OTULIN: variants seen among roughly 807,000 people sequenced by gnomAD.
The protein encoded by OTULIN is ubiquitin thioesterase otulin.
Under a neutral mutation model 39.6 loss-of-function variants are expected in OTULIN, and 15 were observed. The ratio of observed to expected loss-of-function variants is 0.38; its 90% CI spans 0.25 to 0.58. OTULIN has a LOEUF of 0.58. Among genes scored for constraint, OTULIN ranks in the 20% least tolerant of loss-of-function variants. OTULIN has a pLI of 0.66. For synonymous variants in OTULIN, 156 were observed against 170.3 expected, an observed-to-expected ratio of 0.92 and a Z score of 0.65; for missense variants, 319 against 445.9, an observed-to-expected ratio of 0.72 and a Z score of 2.56.
chr5:14,683,630 A>AC (rs751533967), intron 4 of OTULIN, among the ~76,000 whole-genome samples: 17 of 152,292 alleles, frequency 1.1e-4, no homozygotes, highest in South Asian at 6.2e-4. Context: ...TGCGCTGGCA[A>AC]CTGTGGCTAT....
the OTULIN span, among the ~76,000 whole-genome samples, chr5:14,712,602 G>T: frequency 1.3e-5 from 2 of 152,198 alleles, no homozygotes; most frequent in Admixed American, 1.3e-4. Context: ...CCCCATCTAC[G>T]CTGGCTTTCT....
rs1178168614 is a variant in OTULIN, at chr5:14,692,953, G to A, written c.964G>A (p.Asp322Asn). The change falls in exon 7 of 7, where the codon GAC becomes AAC. Residue 322 changes from aspartate (D) to asparagine (N), a missense_variant. By Grantham distance (23) the Asp-to-Asn change is conservative. Transcript: ENST00000284274. ...TEEFITVYPTDPPKDWPVVTL... is the reference protein window; with the variant it reads ...TEEFITVYPTNPPKDWPVVTL... ...AGAATTCATCACAGTCTACCCCACC[G>A]ACCCACCCAAGGACTGGCCAGTGGT... 2 of 1,614,006 alleles carry A rather than the reference G, an allele frequency of 1.2e-6. No individual in the cohort carries two copies. Among genetic ancestry groups the A allele is most frequent in the Admixed American group, 1.7e-5 (1 of 60,000 alleles).
chr5:14,681,971 G>T (rs919951862), intron 4 of OTULIN, among the ~76,000 whole-genome samples: 1 of 152,190 alleles, frequency 6.6e-6, no homozygotes, highest in African/African-American at 2.4e-5. Context: ...TTAGTTTTTA[G>T]CTATAATTCA....
At chr5:14,681,328 T>C in intron 3 of OTULIN, 136 bp from the exon 4 acceptor site, 1 of 920,346 alleles carries the variant, frequency 1.1e-6, no homozygotes, top group Non-Finnish European at 1.7e-6. Context: ...AACAATTGCT[T>C]AGAAAGGGAC....
At chr5:14,704,638 G>T (rs956720316), downstream of OTULIN, among the ~76,000 whole-genome samples, 2 of 152,178 alleles carry the variant, frequency 1.3e-5, no homozygotes, top group African/African-American at 2.4e-5. Flanking sequence ...TTTCCCAGTG[G>T]TTAGAAGTTT....
Position 14,696,096 on chromosome 5 carries a change from A to T in OTULIN, c.*3048A>T, listed in dbSNP as rs1480172575. 2 of 149,632 alleles carry T rather than the reference A, an allele frequency of 1.3e-5. No homozygotes were observed. Among genetic ancestry groups the T allele is most frequent in the Non-Finnish European group, 3.0e-5 (2 of 67,566 alleles). 9.3% of individuals were successfully genotyped at this position (149,632 alleles called of 1,614,324 possible). A position where few individuals can be genotyped will look rare whatever the true frequency, so the allele number is the denominator to read the frequency against. On this transcript the variant is annotated 3_prime_UTR_variant, in exon 7 of 7. Transcript: ENST00000284274. ...TTGGGAAAAGCCTTTGTGAGTTTTT[A>T]TGTACTTGGTCTTTGTTTTTGTTAT...
the OTULIN span, chr5:14,706,090 G>A: frequency 2.8e-4 from 42 of 152,234 alleles, no homozygotes; most frequent in African/African-American, 1.0e-3. Context: ...TTAAACTCTT[G>A]GAGAGAGAAA....
intron 4 of OTULIN, 79 bp downstream of exon 4, chr5:14,681,686 A>G: frequency 5.5e-6 from 8 of 1,459,660 alleles, no homozygotes; most frequent in African/African-American, 4.2e-5. Flanking sequence ...TGTCCATGCT[A>G]CCTTCTAGTA....
intron 2 of OTULIN, among the ~76,000 whole-genome samples, chr5:14,677,703 G>A (rs546393686): frequency 6.6e-6 from 1 of 152,236 alleles, no homozygotes; most frequent in South Asian, 2.1e-4. Context: ...GAGGTCTGTG[G>A]ATTAACAAAC....
At position 14,690,730 on chromosome 5, in the gene OTULIN, A is replaced by G. The variant is rs979758470; in HGVS notation, c.864+422A>G. Reference sequence around the variant, plus strand: ...GTCACACACTGTTAGATTGTTTTCTACTTTTTAGAAACAAGTTACTTGATG... The same window carrying G: ...GTCACACACTGTTAGATTGTTTTCTGCTTTTTAGAAACAAGTTACTTGATG... On this transcript the variant is annotated intron_variant, in intron 6 of 6. Transcript: ENST00000284274. This position sits in a 1 kb window ranked among gnomAD's most constrained non-coding sequence, Gnocchi z 4.5. 6.6e-6 allele frequency among the ~76,000 whole-genome samples: 1 copy of G among 152,126 alleles called. No individual in the cohort carries two copies. The highest frequency in any genetic ancestry group is 6.5e-5 in the Admixed American group (1 of 15,278).
At chr5:14,673,331 T>C (rs1191041827) in intron 1 of OTULIN, among the ~76,000 whole-genome samples, 1 of 152,210 alleles carries the variant, frequency 6.6e-6, no homozygotes, top group Non-Finnish European at 1.5e-5. Flanking sequence ...ATGCATGCTA[T>C]GATGTCTAGA....
chr5:14,707,449 C>T, the OTULIN span: 1 of 152,214 alleles, frequency 6.6e-6, no homozygotes. Context: ...ACATTTCACA[C>T]TTCTTATTCT....
chr5:14,705,718 G>C, the OTULIN span: 4 of 153,114 alleles, frequency 2.6e-5, no homozygotes, highest in Non-Finnish European at 2.9e-5. Context: ...GGCAGCCCTG[G>C]GGTAAGGGAC....
In OTULIN at chr5:14,695,052, C is replaced by A. The variant is rs1315680741; in HGVS notation, c.*2004C>A. The A allele has an allele frequency of 6.6e-6, 1 of 152,180 alleles. No individual in the cohort carries two copies. The highest frequency in any genetic ancestry group is 1.5e-5 in the Non-Finnish European group (1 of 68,030). The allele number at this position is 152,180 out of a possible 1,614,324, so 9.4% of individuals were successfully genotyped here. On this transcript the variant is annotated 3_prime_UTR_variant, in exon 7 of 7. Coordinates refer to ENST00000284274, the MANE Select transcript of OTULIN (RefSeq NM_138348.6). ...GAATACTCATGTTAATAATAGTCAT[C>A]TATCCTTGCATTTTGAAACTGTTCT...
In OTULIN at chr5:14,699,251, AG is replaced by A. The variant is rs1418932095; in HGVS notation, c.*6208del. Reference sequence around the variant, plus strand: ...AATGGAAGAAGTTAATCCTCTGAAGAGGGGGAAGACTGGACTTTCAGAAGTA... The same window carrying A: ...AATGGAAGAAGTTAATCCTCTGAAGAGGGGAAGACTGGACTTTCAGAAGTA... On this transcript the variant is annotated 3_prime_UTR_variant, in exon 7 of 7. Transcript: ENST00000284274. 2 of 152,222 alleles carry A rather than the reference AG, an allele frequency of 1.3e-5. No individual in the cohort carries two copies. Among genetic ancestry groups the A allele is most frequent in the African/African-American group, 4.8e-5 (2 of 41,446 alleles). 9.4% of individuals were successfully genotyped at this position (152,222 alleles called of 1,614,324 possible).
At chr5:14,683,519 T>C (rs1035214135) in intron 4 of OTULIN, among the ~76,000 whole-genome samples, 7 of 152,224 alleles carry the variant, frequency 4.6e-5, no homozygotes, top group African/African-American at 1.7e-4. Context: ...CTGTTTTTGC[T>C]TTGCCTTATT....
At chr5:14,685,813 T>G (rs1322416617) in intron 4 of OTULIN, among the ~76,000 whole-genome samples, 1 of 152,240 alleles carries the variant, frequency 6.6e-6, no homozygotes, top group South Asian at 2.1e-4. Flanking sequence ...TAGCCAGTAT[T>G]TTCTGCACAT....
Position 14,694,192 on chromosome 5 carries a change from A to T in OTULIN, c.*1144A>T, listed in dbSNP as rs1293321573. The T allele has an allele frequency of 1.3e-5, 2 of 152,220 alleles. No individual in the cohort carries two copies. The highest frequency in any genetic ancestry group is 1.9e-4 in the East Asian group (1 of 5,192). 9.4% of individuals were successfully genotyped at this position (152,220 alleles called of 1,614,324 possible). A position where few individuals can be genotyped will look rare whatever the true frequency, so the allele number is the denominator to read the frequency against. On this transcript the variant is annotated 3_prime_UTR_variant, in exon 7 of 7. Transcript: ENST00000284274. ...CGGAAGCATACGGGAATATGAGTGC[A>T]AAAGTGTGGCTGAGCCGCGTATGCC...
chr5:14,712,272 G>C, the OTULIN span, among the ~76,000 whole-genome samples: 108 of 152,330 alleles, frequency 7.1e-4, 4 homozygotes, highest in East Asian at 0.019. Flanking sequence ...GCCCCGGCCT[G>C]TTCACTCTGC....
Sources: allele counts gnomAD v4.1 joint callset (sites outside exome capture counted in the v4.1 genomes callset), GRCh38; gene constraint gnomAD v4.1.1; non-coding constraint Gnocchi (gnomAD v3.1); transcripts MANE v1.5; gene names NCBI Gene and HGNC (gene_info 2026-07-23, HGNC 2026-07-21).